The following AMOTL1 variants were observed in gnomAD, a reference collection of about 807,000 sequenced individuals.
The protein encoded by AMOTL1 is angiomotin-like protein 1.
In AMOTL1, 45 loss-of-function variants were observed where a neutral mutation model predicts 102.9. The ratio of observed to expected loss-of-function variants is 0.44; its 90% CI spans 0.34 to 0.56. The LOEUF (loss-of-function observed/expected upper bound fraction) is 0.56. AMOTL1 is among the 20% of genes least tolerant of loss of function. The probability of loss-of-function intolerance (pLI) is 0.01; values close to 1 mark genes in which losing one functional copy is unlikely to be tolerated. For synonymous variants in AMOTL1, 481 were observed against 484.7 expected (o/e 0.99, Z 0.10); for missense variants, 1,114 against 1,225.6 (o/e 0.91, Z 1.36).
chr11:94,866,761 T>C (rs1288379957), intron 11 of AMOTL1: 1 of 158,922 alleles, frequency 6.3e-6, no homozygotes, highest in East Asian at 1.9e-4. Flanking sequence ...CTTTACCCCA[T>C]GGGGCGTGGG....
intron 1 of AMOTL1, chr11:94,728,911 T>C (rs2135455849): frequency 8.6e-7 from 1 of 1,166,758 alleles, no homozygotes; most frequent in East Asian, 5.8e-5. Flanking sequence ...ATATTCATTA[T>C]TTATTTCAGG....
chr11:94,816,030 A>T (rs926496415), intron 3 of AMOTL1, among the ~76,000 whole-genome samples: 2 of 151,646 alleles, frequency 1.3e-5, no homozygotes, highest in Non-Finnish European at 2.9e-5. Context: ...TTGATATTTT[A>T]AAAAAACACT....
intron 7 of AMOTL1, among the ~76,000 whole-genome samples, chr11:94,852,686 T>C (rs1186193379): frequency 6.6e-6 from 1 of 152,204 alleles, no homozygotes; most frequent in African/African-American, 2.4e-5. Flanking sequence ...TAACCTTAAT[T>C]TCCATCTCCT....
Position 94,866,536 on chromosome 11 carries a change from G to C in AMOTL1, c.2488+368G>C, listed in dbSNP as rs1000205793. 6 of 247,926 alleles carry C rather than the reference G, an allele frequency of 2.4e-5. No individual in the cohort carries two copies. In the Admixed American group the frequency reaches 3.0e-4, roughly 13 times the overall value. 15.4% of individuals were successfully genotyped at this position (247,926 alleles called of 1,614,324 possible). A position where few individuals can be genotyped will look rare whatever the true frequency, so the allele number is the denominator to read the frequency against. On this transcript the variant is annotated intron_variant, in intron 11 of 12. Transcript: ENST00000433060. Reference sequence around the variant, plus strand: ...ATGACGGCTCCACCTCTGCTTCCACGTCTGGAAAGGGAGGACAGTGTCTGC... The same window carrying C: ...ATGACGGCTCCACCTCTGCTTCCACCTCTGGAAAGGGAGGACAGTGTCTGC...
intron 3 of AMOTL1, among the ~76,000 whole-genome samples, chr11:94,807,104 CAT>C (rs1951580012): frequency 6.6e-6 from 1 of 152,090 alleles, no homozygotes; most frequent in Admixed American, 6.5e-5. Context: ...ATAAATAAAA[CAT>C]ATTCATTGCA....
At position 94,874,900 on chromosome 11, in the gene AMOTL1, T is replaced by C. The variant is rs148980605; in HGVS notation, c.*4105T>C. 2.0e-4 allele frequency: 31 copies of C among 152,296 alleles called. No individual in the cohort carries two copies. Among genetic ancestry groups the C allele is most frequent in the African/African-American group, 7.2e-4 (30 of 41,560 alleles). The allele number at this position is 152,296 out of a possible 1,614,324, so 9.4% of individuals were successfully genotyped here. A position where few individuals can be genotyped will look rare whatever the true frequency, so the allele number is the denominator to read the frequency against. The stretch of plus-strand genomic sequence containing the variant: ...TTTCAAAACCAGGGTTCAAAACCAG[T>C]GTCCACGCTGGAGTAAGTGGAGCAT... On this transcript the variant is annotated 3_prime_UTR_variant, in exon 13 of 13. Coordinates refer to ENST00000433060, the MANE Select transcript of AMOTL1 (RefSeq NM_130847.3).
At chr11:94,778,952 TG>T (rs1232266277) in intron 1 of AMOTL1, among the ~76,000 whole-genome samples, 2 of 152,190 alleles carry the variant, frequency 1.3e-5, no homozygotes, top group African/African-American at 4.8e-5. Context: ...AGAAATTGGA[TG>T]GAAACTGCAT....
At chr11:94,751,097 G>A (rs948872372) in intron 3 of AMOTL1, among the ~76,000 whole-genome samples, 2 of 152,134 alleles carry the variant, frequency 1.3e-5, no homozygotes, top group African/African-American at 4.8e-5. Flanking sequence ...CTCCTCCTAG[G>A]GAGACTGTAT....
intron 1 of AMOTL1, among the ~76,000 whole-genome samples, chr11:94,708,535 T>C (rs1329942452): frequency 6.6e-6 from 1 of 152,168 alleles, no homozygotes; most frequent in Non-Finnish European, 1.5e-5. Context: ...CTTCATTAGG[T>C]AAATAGAAGA....
At chr11:94,733,993 T>C (rs1041088604) in intron 2 of AMOTL1, among the ~76,000 whole-genome samples, 2 of 152,254 alleles carry the variant, frequency 1.3e-5, no homozygotes, top group African/African-American at 2.4e-5. Context: ...AACAGGAATC[T>C]GGTGGGGAAC....
intron 3 of AMOTL1, among the ~76,000 whole-genome samples, chr11:94,815,094 G>A: frequency 6.6e-6 from 1 of 152,192 alleles, no homozygotes; most frequent in East Asian, 1.9e-4. Flanking sequence ...TAATAAATAA[G>A]CTAGTTTTAA....
rs139139789 is a variant in AMOTL1 at position 94,718,814 on chromosome 11, A to C, written c.-50-10107A>C. Among the ~76,000 whole-genome samples the C allele has an allele frequency of 2.0e-3, 301 of 151,824 alleles. 2 individuals are homozygous for C. The highest frequency in any genetic ancestry group is 6.0e-3 in the African/African-American group (249 of 41,502). ...ATATTAATCTTTTGTATACGTTATA[A>C]ATTTTACCTTTCATTTTCTTATTTT... On this transcript the variant is annotated intron_variant, in intron 1 of 4. Transcript: ENST00000299004.
chr11:94,756,322 G>A (rs193274456), intron 3 of AMOTL1, among the ~76,000 whole-genome samples: 1 of 152,314 alleles, frequency 6.6e-6, no homozygotes, highest in Admixed American at 6.5e-5. Context: ...CGAGGATGGA[G>A]CCCTTGCCAG....
chr11:94,817,117 A>G (rs932893053), intron 3 of AMOTL1, among the ~76,000 whole-genome samples: 1 of 152,188 alleles, frequency 6.6e-6, no homozygotes, highest in Admixed American at 6.5e-5. Flanking sequence ...AAATTTACTT[A>G]CAGAATTTTA....
intron 7 of AMOTL1, 99 bp downstream of exon 7, chr11:94,850,358 A>G (rs1952509125): frequency 2.1e-6 from 3 of 1,415,608 alleles, no homozygotes; most frequent in African/African-American, 1.4e-5. Flanking sequence ...ACCAGAGCCA[A>G]TTCCAAGGAG....
At chr11:94,812,851 C>T (rs545166480) in intron 3 of AMOTL1, among the ~76,000 whole-genome samples, 2 of 152,202 alleles carry the variant, frequency 1.3e-5, no homozygotes, top group South Asian at 4.2e-4. Flanking sequence ...TTGATCTCAA[C>T]CACTGGGTCG....
At chr11:94,791,800 T>A (rs1046890098) in intron 1 of AMOTL1, among the ~76,000 whole-genome samples, 1 of 152,224 alleles carries the variant, frequency 6.6e-6, no homozygotes, top group Non-Finnish European at 1.5e-5. Context: ...TTCCAATTCC[T>A]CATTTCAGAT....
At position 94,859,826 on chromosome 11, in the gene AMOTL1, T is replaced by G. The variant is rs1031679791; in HGVS notation, c.2135+111T>G. 11 of 1,209,780 alleles carry G rather than the reference T, an allele frequency of 9.1e-6. No individual in the cohort carries two copies. The African/African-American group carries it at 1.7e-4, about 18-fold the overall frequency. 74.9% of individuals were successfully genotyped at this position (1,209,780 alleles called of 1,614,324 possible). The stretch of plus-strand genomic sequence containing the variant: ...GCCCATCCTAGGGAGTGAAGTCAGC[T>G]AAAAATTATTTTTAAGTAGTTACAG... On this transcript the variant is annotated intron_variant, in intron 9 of 12. Transcript: ENST00000433060.
chr11:94,823,035 A>G (rs1313353394), intron 4 of AMOTL1, among the ~76,000 whole-genome samples: 2 of 152,172 alleles, frequency 1.3e-5, no homozygotes, highest in African/African-American at 2.4e-5. Flanking sequence ...CTTTGGCTCT[A>G]TGTGACAATT....
Sources: allele counts gnomAD v4.1 joint callset (sites outside exome capture counted in the v4.1 genomes callset), GRCh38; gene constraint gnomAD v4.1.1; transcripts MANE v1.5; gene names NCBI Gene and HGNC (gene_info 2026-07-23, HGNC 2026-07-21).